Variants in ARIH1 observed in about 807,000 individuals in gnomAD.
The protein encoded by ARIH1 is E3 ubiquitin-protein ligase ARIH1.
ARIH1 carries 8 observed loss-of-function variants against 85.0 expected under a neutral mutation model. The ratio of observed to expected loss-of-function variants is 0.09; its 90% CI spans 0.06 to 0.17. The LOEUF is 0.17. Among genes scored for constraint, ARIH1 ranks in the 10% least tolerant of loss-of-function variants. The probability of loss-of-function intolerance (pLI) is 1.00; values close to 1 mark genes in which losing one functional copy is unlikely to be tolerated. For synonymous variants in ARIH1, 238 were observed against 253.6 expected (o/e 0.94, Z 0.59); for missense variants, 311 against 718.1 (o/e 0.43, Z 6.48).
intron 1 of ARIH1, among the ~76,000 whole-genome samples, chr15:72,504,314 C>T (rs1324845868): frequency 6.6e-6 from 1 of 152,142 alleles, no homozygotes; most frequent in African/African-American, 2.4e-5. Flanking sequence ...CTCAGCCTCC[C>T]AGAGTACTGG....
At chr15:72,504,512 G>T (rs1346149750) in intron 1 of ARIH1, among the ~76,000 whole-genome samples, 1 of 152,094 alleles carries the variant, frequency 6.6e-6, no homozygotes, top group Admixed American at 6.6e-5. Flanking sequence ...CTAGAGAAGA[G>T]ACAGGTTGGG....
At chr15:72,485,552 C>G (rs1174487560) in intron 1 of ARIH1, among the ~76,000 whole-genome samples, 2 of 151,764 alleles carry the variant, frequency 1.3e-5, no homozygotes, top group East Asian at 1.9e-4. Flanking sequence ...GAAAGAAAAT[C>G]TACTTCCGTA....
At chr15:72,557,123 A>AT (rs943295525) in intron 5 of ARIH1, among the ~76,000 whole-genome samples, 22 of 151,154 alleles carry the variant, frequency 1.5e-4, no homozygotes, top group African/African-American at 3.4e-4. Context: ...TTTTTGTTTA[A>AT]TTTTTTTTTA....
chr15:72,561,443 G>T, intron 5 of ARIH1, 40 bp from the exon 6 acceptor site: 1 of 1,412,950 alleles, frequency 7.1e-7, no homozygotes, highest in South Asian at 1.2e-5. Context: ...AAATACTCTT[G>T]ACTGGAAACT....
chr15:72,550,448 C>T (rs1392254205), intron 3 of ARIH1, among the ~76,000 whole-genome samples: 1 of 152,100 alleles, frequency 6.6e-6, no homozygotes, highest in Admixed American at 6.5e-5. Context: ...TTGAATAAAA[C>T]ATTTTAGAGT....
At chr15:72,520,355 CTT>C (rs918763301) in intron 2 of ARIH1, among the ~76,000 whole-genome samples, 1 of 142,914 alleles carries the variant, frequency 7.0e-6, no homozygotes, top group African/African-American at 2.6e-5. Flanking sequence ...CACTGCCACA[CTT>C]TTTTTTTTTT....
At chr15:72,476,926 T>A (rs1328203905) in intron 1 of ARIH1, among the ~76,000 whole-genome samples, 1 of 152,232 alleles carries the variant, frequency 6.6e-6, no homozygotes, top group African/African-American at 2.4e-5. Context: ...TGATTATAGA[T>A]CTGAACTAAT....
intron 1 of ARIH1, among the ~76,000 whole-genome samples, chr15:72,484,498 A>G (rs1451996040): frequency 6.6e-6 from 1 of 151,676 alleles, no homozygotes; most frequent in African/African-American, 2.4e-5. Flanking sequence ...GCTCCCACTT[A>G]TGAGTGAGAA....
At chr15:72,577,060 G>A (rs2064274807) in intron 11 of ARIH1, among the ~76,000 whole-genome samples, 1 of 151,200 alleles carries the variant, frequency 6.6e-6, no homozygotes, top group African/African-American at 2.4e-5. Context: ...TCAGCTCCCT[G>A]CAACCTCCAC....
intron 1 of ARIH1, among the ~76,000 whole-genome samples, chr15:72,483,907 C>T (rs1174113333): frequency 6.6e-6 from 1 of 150,788 alleles, no homozygotes; most frequent in Non-Finnish European, 1.5e-5. Flanking sequence ...CATGGTGGCT[C>T]ACGCCTGTAA....
At chr15:72,482,884 A>G (rs1442189868) in intron 1 of ARIH1, among the ~76,000 whole-genome samples, 1 of 142,610 alleles carries the variant, frequency 7.0e-6, no homozygotes, top group Non-Finnish European at 1.5e-5. Context: ...TGTGGTGCCC[A>G]GGCTGGAGTG....
intron 2 of ARIH1, among the ~76,000 whole-genome samples, chr15:72,536,654 C>T (rs749734507): frequency 6.6e-6 from 1 of 152,052 alleles, no homozygotes; most frequent in Non-Finnish European, 1.5e-5. Context: ...TATGGTTTTG[C>T]GAATTCGAGC....
chr15:72,565,615 A>G (rs563533498), intron 7 of ARIH1, among the ~76,000 whole-genome samples: 157 of 152,340 alleles, frequency 1.0e-3, no homozygotes, highest in African/African-American at 3.7e-3. Flanking sequence ...GAAAAGGTGG[A>G]TAATACCTAC....
intron 11 of ARIH1, among the ~76,000 whole-genome samples, chr15:72,573,558 A>G (rs1169384590): frequency 6.6e-6 from 1 of 151,858 alleles, no homozygotes; most frequent in Non-Finnish European, 1.5e-5. Flanking sequence ...CTAAATAAAT[A>G]AATAAATAAA....
At chr15:72,491,450 C>G (rs1224295538) in intron 1 of ARIH1, among the ~76,000 whole-genome samples, 2 of 152,016 alleles carry the variant, frequency 1.3e-5, no homozygotes, top group Non-Finnish European at 2.9e-5. Flanking sequence ...TAGATAGACT[C>G]TGAAATTCTT....
At chr15:72,524,495 C>T (rs953902502) in intron 2 of ARIH1, among the ~76,000 whole-genome samples, 10 of 152,136 alleles carry the variant, frequency 6.6e-5, no homozygotes, top group African/African-American at 1.2e-4. Context: ...TGAGCCACTG[C>T]GCCAGCCCAA....
intron 2 of ARIH1, among the ~76,000 whole-genome samples, chr15:72,541,665 A>G (rs1024598162): frequency 6.6e-6 from 1 of 152,260 alleles, no homozygotes; most frequent in East Asian, 1.9e-4. Flanking sequence ...AATTAGTGGA[A>G]TAGAATGGAG....
At chr15:72,480,612 T>A (rs999481055) in intron 1 of ARIH1, among the ~76,000 whole-genome samples, 1 of 152,122 alleles carries the variant, frequency 6.6e-6, no homozygotes, top group Non-Finnish European at 1.5e-5. Flanking sequence ...TTGCCCAGGC[T>A]GGAGTGCAAT....
intron 2 of ARIH1, among the ~76,000 whole-genome samples, chr15:72,540,913 C>T (rs2064104185): frequency 6.6e-6 from 1 of 152,074 alleles, no homozygotes; most frequent in South Asian, 2.1e-4. Context: ...CTATCTAAAG[C>T]ACAGGAATTC....
Sources: allele counts gnomAD v4.1 joint callset (sites outside exome capture counted in the v4.1 genomes callset), GRCh38; gene constraint gnomAD v4.1.1; transcripts MANE v1.5; gene names NCBI Gene and HGNC (gene_info 2026-07-23, HGNC 2026-07-21).